The following PRR14L variants were observed in gnomAD, a reference collection of about 807,000 sequenced individuals.
PRR14L encodes the protein protein PRR14L.
PRR14L carries 80 observed loss-of-function variants against 155.0 expected under a neutral mutation model. The observed-to-expected ratio is 0.52, with a 90% CI of 0.43 to 0.62. The LOEUF is 0.62. Among genes scored for constraint, PRR14L ranks in the 20% least tolerant of loss-of-function variants. The probability of loss-of-function intolerance (pLI) is 0.00; values close to 1 mark genes in which losing one functional copy is unlikely to be tolerated. For missense variants in PRR14L, 2,469 were observed against 2,548.0 expected (o/e 0.97, Z 0.67); for synonymous variants, 883 against 916.0 (o/e 0.96, Z 0.65).
At chr22:31,690,825 A>G (rs1428731043) in intron 7 of PRR14L, among the ~76,000 whole-genome samples, 1 of 151,722 alleles carries the variant, frequency 6.6e-6, no homozygotes, top group Non-Finnish European at 1.5e-5. Flanking sequence ...TATTTTTAGT[A>G]GAGACAGGGT....
chr22:31,738,435 A>T lies in PRR14L; in HGVS notation c.426T>A (p.Asp142Glu), dbSNP rs868748283. The T allele has an allele frequency of 1.5e-5, 24 of 1,552,294 alleles. No homozygotes were observed. In the Middle Eastern group the frequency reaches 3.2e-3, roughly 205 times the overall value. Residue 142 changes from aspartate (D) to glutamate (E), a missense_variant, in exon 2 of 9, where the codon GAT becomes GAA. Around this residue, in one of 2 missense-constraint regions of PRR14L, gnomAD observed 2,363 missense variants for 2,371.6 expected, o/e 1.00. Coordinates refer to ENST00000327423, the MANE Select transcript of PRR14L (RefSeq NM_173566.3). ...IREPSEGAKE[D>E]PHQHSTAAEE... The stretch of plus-strand genomic sequence containing the variant: ...CAGCAGCTGTGGAATGTTGATGTGG[A>T]TCTTCCTTTGCTCCCTCAGAGGGTT...
chr22:31,729,704 G>A (rs931391646), intron 2 of PRR14L, among the ~76,000 whole-genome samples: 1 of 152,182 alleles, frequency 6.6e-6, no homozygotes, highest in Non-Finnish European at 1.5e-5. Context: ...ACCTAGAGTA[G>A]TCAAATTCAT....
At chr22:31,706,612 C>A (rs1274969405) in intron 4 of PRR14L, among the ~76,000 whole-genome samples, 2 of 151,908 alleles carry the variant, frequency 1.3e-5, no homozygotes, top group African/African-American at 4.8e-5. Flanking sequence ...TTAGTAGACA[C>A]GGGGTTTCAC....
chr22:31,743,817 G>C (rs200836847), intron 1 of PRR14L, among the ~76,000 whole-genome samples: 8 of 145,860 alleles, frequency 5.5e-5, no homozygotes, highest in Non-Finnish European at 1.1e-4. Context: ...AAAAAAAAAA[G>C]AACCTGACCT....
chr22:31,738,988 C>G, intron 1 of PRR14L, 77 bp from the exon 2 acceptor site: 3 of 621,420 alleles, frequency 4.8e-6, no homozygotes, highest in Non-Finnish European at 2.7e-6. Context: ...TTCAAACCGG[C>G]TACAACGAAG....
At chr22:31,720,485 C>T (rs187354057) in intron 3 of PRR14L, among the ~76,000 whole-genome samples, 41 of 152,310 alleles carry the variant, frequency 2.7e-4, no homozygotes, top group African/African-American at 8.9e-4. Context: ...GTAATCCCAG[C>T]ACTTTGGGAG....
At chr22:31,736,179 A>C (rs1269209592) in intron 2 of PRR14L, among the ~76,000 whole-genome samples, 1 of 150,100 alleles carries the variant, frequency 6.7e-6, no homozygotes, top group Non-Finnish European at 1.5e-5. Context: ...AGATTGCGCC[A>C]CTGCACTCCA....
In PRR14L at chr22:31,713,614, GT is replaced by G; in HGVS notation, c.4224del (p.Gln1408HisfsTer18). ...TGTTGCGATATCGTATGTGCTTTTT[GT>G]TGACGTATATATTTCTCTTCTTTCT... ...MLQKEEKYIR[Q>X]QKAHTISQQC... On this transcript the variant is annotated frameshift_variant, in exon 4 of 9. Transcript: ENST00000327423. LOFTEE classifies it high-confidence loss of function. 6.4e-7 allele frequency: 1 copy of G among 1,551,808 alleles called. No individual in the cohort carries two copies. Among genetic ancestry groups the G allele is most frequent in the Non-Finnish European group, 8.7e-7 (1 of 1,147,014 alleles).
intron 7 of PRR14L, among the ~76,000 whole-genome samples, chr22:31,689,694 C>T (rs1014473777): frequency 9.2e-5 from 14 of 152,038 alleles, no homozygotes; most frequent in Non-Finnish European, 1.3e-4. Flanking sequence ...CTCTGCCTCC[C>T]GTGTAGCTGG....
chr22:31,743,910 AATTC>A lies in PRR14L; in HGVS notation c.-51-5003_-51-5000del, dbSNP rs1727979146. 3.9e-5 allele frequency among the ~76,000 whole-genome samples: 6 copies of A among 151,980 alleles called. No homozygotes were observed. The South Asian group carries it at 1.2e-3, about 32-fold the overall frequency. On this transcript the variant is annotated intron_variant, in intron 1 of 8. Transcript: ENST00000327423. The stretch of plus-strand genomic sequence containing the variant: ...CCAAAACTTACCAAGTTTAAAACAG[AATTC>A]ATTCAATCTATTGAATAACTGAGTC...
rs1465167404 is a variant in PRR14L, at chr22:31,685,726, C to T, written c.6257G>A (p.Arg2086Gln). 5 of 1,551,522 alleles carry T rather than the reference C, an allele frequency of 3.2e-6. No homozygotes were observed. Among genetic ancestry groups the T allele is most frequent in the Admixed American group, 2.0e-5 (1 of 50,968 alleles). Residue 2086 changes from arginine (R) to glutamine (Q), a missense_variant, in exon 9 of 9, where the codon CGA becomes CAA. Around this residue, in one of 2 missense-constraint regions of PRR14L, gnomAD observed 106 missense variants for 176.4 expected, o/e 0.60. Transcript: ENST00000327423. ...LISISQQKRK[R>Q]VLEFQDFTVP... Reference sequence around the variant, plus strand: ...TGTAAAATCCTGAAATTCTAGAACTCGCTTCCTCTTCTGTTGGCTGATTGA... The same window carrying T: ...TGTAAAATCCTGAAATTCTAGAACTTGCTTCCTCTTCTGTTGGCTGATTGA...
intron 2 of PRR14L, among the ~76,000 whole-genome samples, chr22:31,737,368 C>A (rs1461116964): frequency 1.3e-5 from 2 of 151,982 alleles, no homozygotes; most frequent in Non-Finnish European, 2.9e-5. Flanking sequence ...ATAATCCTAG[C>A]TACTCAGGAA....
At position 31,685,450 on chromosome 22, in the gene PRR14L, CAAAA is replaced by C. The variant is rs33960159; in HGVS notation, c.*73_*76del. 3.5e-4 allele frequency: 384 copies of C among 1,104,960 alleles called. No individual in the cohort carries two copies. Among genetic ancestry groups the C allele is most frequent in the Middle Eastern group, 7.1e-4 (3 of 4,226 alleles). 68.4% of individuals were successfully genotyped at this position (1,104,960 alleles called of 1,614,324 possible). ...TTAGGCAACCTTTTCCAAGGAGGTC[CAAAA>C]AAAAAAAAAAAACCCAAAAACAAAA... On this transcript the variant is annotated 3_prime_UTR_variant, in exon 9 of 9. Coordinates refer to ENST00000327423, the MANE Select transcript of PRR14L (RefSeq NM_173566.3).
chr22:31,708,557 C>T (rs1202309875), intron 4 of PRR14L, among the ~76,000 whole-genome samples: 1 of 152,042 alleles, frequency 6.6e-6, no homozygotes, highest in African/African-American at 2.4e-5. Context: ...GAATTCCTGA[C>T]CTCAGATGAT....
intron 8 of PRR14L, among the ~76,000 whole-genome samples, chr22:31,687,356 C>CT (rs528409088): frequency 1.2e-3 from 153 of 126,102 alleles, no homozygotes; most frequent in Non-Finnish European, 1.1e-3. Context: ...TTTCTTTCTT[C>CT]TTTTTTTTTT....
chr22:31,745,843 TAA>T (rs755650797), intron 1 of PRR14L, among the ~76,000 whole-genome samples: 9,095 of 133,492 alleles, frequency 0.068, 346 homozygotes, highest in African/African-American at 0.097. Context: ...AGACTCAGTT[TAA>T]AAAAAAAAAA....
intron 1 of PRR14L, among the ~76,000 whole-genome samples, chr22:31,746,249 A>T (rs2074837275): frequency 6.6e-6 from 1 of 152,218 alleles, no homozygotes; most frequent in South Asian, 2.1e-4. Context: ...TATATATTAC[A>T]TATGTTAAAA....
chr22:31,701,659 T>C lies in PRR14L; in HGVS notation c.6104A>G (p.Lys2035Arg). ...TTGTAACAGAGAAGGAGCTCACCTT[T>C]TGGGTCGAGGAAGGCCCATGGGGGT... Reference protein sequence around the residue: ...NLTPMGLPRPKRLKKKEFSLE... With the variant: ...NLTPMGLPRPRRLKKKEFSLE... The change falls in exon 7 of 9, where the codon AAA becomes AGA. Residue 2035 changes from lysine to arginine, a missense_variant. Lys to Arg is a conservative substitution (Grantham distance 26, BLOSUM62 2). Coordinates refer to ENST00000327423, the MANE Select transcript of PRR14L (RefSeq NM_173566.3). 6.2e-7 allele frequency: 1 copy of C among 1,600,744 alleles called. No individual in the cohort carries two copies. Among genetic ancestry groups the C allele is most frequent in the Non-Finnish European group, 8.5e-7 (1 of 1,174,270 alleles).
Position 31,706,054 on chromosome 22 carries a change from A to G in PRR14L, c.5757-1328T>C, listed in dbSNP as rs540187819. Among the ~76,000 whole-genome samples, 12 of 143,140 alleles carry G rather than the reference A, an allele frequency of 8.4e-5. No individual in the cohort carries two copies. In the East Asian group the frequency reaches 2.4e-3, roughly 29 times the overall value. 93.9% of individuals were successfully genotyped at this position (143,140 alleles called of 152,430 possible). A position where few individuals can be genotyped will look rare whatever the true frequency, so the allele number is the denominator to read the frequency against. ...CTATATAGAAGAAAATTAATGGCCA[A>G]TCGTAGTGACTCACACCTGTAATCC... On this transcript the variant is annotated intron_variant, in intron 4 of 8. Coordinates refer to ENST00000327423, the MANE Select transcript of PRR14L (RefSeq NM_173566.3).
Sources: allele counts gnomAD v4.1 joint callset (sites outside exome capture counted in the v4.1 genomes callset), GRCh38; gene constraint gnomAD v4.1.1; regional missense constraint gnomAD v4.1.1; transcripts MANE v1.5; gene names NCBI Gene and HGNC (gene_info 2026-07-23, HGNC 2026-07-21).